The following TSHZ3 variants were observed in gnomAD, a reference collection of about 807,000 sequenced individuals.
The protein encoded by TSHZ3 is teashirt homolog 3.
Under a neutral mutation model 64.5 loss-of-function variants are expected in TSHZ3, and 10 were observed. The observed-to-expected ratio is 0.16, with a 90% CI of 0.10 to 0.26. TSHZ3 has a LOEUF of 0.26. Ranked by LOEUF, TSHZ3 falls within the 10% of genes least tolerant of loss-of-function variation. TSHZ3 has a pLI of 1.00. For synonymous variants in TSHZ3, 608 were observed against 593.1 expected (o/e 1.03, Z -0.36); for missense variants, 1,242 against 1,421.7 (o/e 0.87, Z 2.03).
At chr19:31,338,345 G>A (rs956075786) in intron 1 of TSHZ3, among the ~76,000 whole-genome samples, 2 of 152,192 alleles carry the variant, frequency 1.3e-5, no homozygotes, top group Non-Finnish European at 2.9e-5. Flanking sequence ...CAGGCCTGGT[G>A]GGGGTCTGCT....
At chr19:31,320,546 G>A (rs558389594) in intron 1 of TSHZ3, among the ~76,000 whole-genome samples, 11 of 152,238 alleles carry the variant, frequency 7.2e-5, no homozygotes, top group Admixed American at 2.0e-4. Flanking sequence ...AGTTGTCCTC[G>A]GGTTGGGGGC....
intron 1 of TSHZ3, among the ~76,000 whole-genome samples, chr19:31,313,277 A>C (rs1916510592): frequency 6.6e-6 from 1 of 152,236 alleles, no homozygotes; most frequent in South Asian, 2.1e-4. Context: ...GTCCAGTTGG[A>C]GGAGGTAGTG....
rs545780088 is a variant in TSHZ3 at position 31,190,079 on chromosome 19, G to A, written n.809+14877C>T. Among the ~76,000 whole-genome samples the A allele has an allele frequency of 4.0e-5, 6 of 151,874 alleles. No homozygotes were observed. The East Asian group carries it at 7.7e-4, about 20-fold the overall frequency. On this transcript the variant is annotated intron_variant and non_coding_transcript_variant, in intron 5 of 6. Coordinates refer to the TSHZ3 transcript ENST00000651361. ...AAGGAAGAGTGTTTTTCTTGAAGTA[G>A]CATATAGTTACATTTTGCTCTGTTA... is the stretch of plus-strand genomic sequence containing the variant.
intron 4 of TSHZ3, among the ~76,000 whole-genome samples, chr19:31,211,902 G>T (rs1403869937): frequency 1.3e-5 from 2 of 152,152 alleles, no homozygotes; most frequent in South Asian, 2.1e-4. Flanking sequence ...CAATAAATTT[G>T]CTTCTGGACT....
At position 31,312,069 on chromosome 19, in the gene TSHZ3, G is replaced by A. The variant is rs573023187; in HGVS notation, c.41-32317C>T. Among the ~76,000 whole-genome samples, 9 of 152,274 alleles carry A rather than the reference G, an allele frequency of 5.9e-5. No individual in the cohort carries two copies. The South Asian group carries it at 1.7e-3, about 28-fold the overall frequency. On this transcript the variant is annotated intron_variant, in intron 1 of 1. Coordinates refer to ENST00000240587, the MANE Select transcript of TSHZ3 (RefSeq NM_020856.4). ...CTGGCTTCTCCATGTCATGGCCTTTGAGTCTCAGTTTCCCCATCTGTAAAA... is the reference window on the plus strand; with the variant it reads ...CTGGCTTCTCCATGTCATGGCCTTTAAGTCTCAGTTTCCCCATCTGTAAAA...
intron 1 of TSHZ3, among the ~76,000 whole-genome samples, chr19:31,248,856 A>C (rs1975794979): frequency 6.6e-6 from 1 of 152,094 alleles, no homozygotes; most frequent in Non-Finnish European, 1.5e-5. Context: ...TTCAGGTTCA[A>C]ATGTCGGCCA....
chr19:31,155,894 C>T lies in TSHZ3; in HGVS notation n.871+462G>A, dbSNP rs1974300706. On this transcript the variant is annotated intron_variant and non_coding_transcript_variant, in intron 6 of 6. Coordinates refer to the TSHZ3 transcript ENST00000651361. ...TCCTGGAGGAGAACCTTTCACAAGTCCCTTAGTGACACCATTGGGAATAAT... is the reference window on the plus strand; with the variant it reads ...TCCTGGAGGAGAACCTTTCACAAGTTCCTTAGTGACACCATTGGGAATAAT... Among the ~76,000 whole-genome samples the T allele has an allele frequency of 2.0e-5, 3 of 152,188 alleles. No homozygotes were observed. The South Asian group carries it at 6.2e-4, about 31-fold the overall frequency.
chr19:31,345,440 C>A (rs975118496), intron 1 of TSHZ3, among the ~76,000 whole-genome samples: 1 of 152,184 alleles, frequency 6.6e-6, no homozygotes, highest in South Asian at 2.1e-4. Context: ...GGTGGGCCAC[C>A]TCTTAGGCAT....
In TSHZ3 at chr19:31,276,117, TA is replaced by T. The variant is rs1282799508; in HGVS notation, c.*429del. ...TTCATACATTATTATTATTTTATTT[TA>T]TTTTTTAACCAAATTAATGCAAAAG... is the stretch of plus-strand genomic sequence containing the variant. On this transcript the variant is annotated 3_prime_UTR_variant, in exon 2 of 2. Coordinates refer to ENST00000240587, the MANE Select transcript of TSHZ3 (RefSeq NM_020856.4). The T allele has an allele frequency of 1.9e-5, 3 of 153,980 alleles. No individual in the cohort carries two copies. The highest frequency in any genetic ancestry group is 7.2e-5 in the African/African-American group (3 of 41,542). The allele number at this position is 153,980 out of a possible 1,614,324, so 9.5% of individuals were successfully genotyped here.
chr19:31,172,188 C>T (rs1207861345), intron 5 of TSHZ3, among the ~76,000 whole-genome samples: 1 of 152,178 alleles, frequency 6.6e-6, no homozygotes, highest in African/African-American at 2.4e-5. Context: ...GGTTTGAAGT[C>T]ACACTTTTTG....
intron 5 of TSHZ3, among the ~76,000 whole-genome samples, chr19:31,185,950 C>T (rs549355683): frequency 2.6e-5 from 4 of 152,172 alleles, no homozygotes; most frequent in East Asian, 1.9e-4. Context: ...TTGTATCTGG[C>T]TTCTCTCACC....
chr19:31,208,392 G>T (rs1365442672), intron 4 of TSHZ3, among the ~76,000 whole-genome samples: 1 of 152,150 alleles, frequency 6.6e-6, no homozygotes, highest in Non-Finnish European at 1.5e-5. Flanking sequence ...AGTCCAATTG[G>T]CCGAGCTTTT....
intron 1 of TSHZ3, among the ~76,000 whole-genome samples, chr19:31,245,801 C>T (rs1396971832): frequency 6.6e-6 from 1 of 152,166 alleles, no homozygotes; most frequent in Non-Finnish European, 1.5e-5. Context: ...CTGTGGTGCC[C>T]AAGAAGACAC....
At chr19:31,256,253 T>C (rs924774533) in intron 1 of TSHZ3, among the ~76,000 whole-genome samples, 2 of 152,126 alleles carry the variant, frequency 1.3e-5, no homozygotes, top group African/African-American at 2.4e-5. Flanking sequence ...GCCTTGCTTT[T>C]AGTCTTCCCT....
At chr19:31,332,979 C>A (rs776435410) in intron 1 of TSHZ3, among the ~76,000 whole-genome samples, 1 of 151,890 alleles carries the variant, frequency 6.6e-6, no homozygotes, top group Non-Finnish European at 1.5e-5. Flanking sequence ...ATGGTGTGTG[C>A]CTGTGGTCCC....
chr19:31,177,998 G>T (rs1285266581), intron 5 of TSHZ3, among the ~76,000 whole-genome samples: 3 of 152,166 alleles, frequency 2.0e-5, no homozygotes, highest in African/African-American at 7.2e-5. Flanking sequence ...ATTGGTGGCT[G>T]CAAGTGTAGA....
At chr19:31,218,631 C>T (rs1048970211) in intron 4 of TSHZ3, among the ~76,000 whole-genome samples, 5 of 152,054 alleles carry the variant, frequency 3.3e-5, no homozygotes, top group Admixed American at 6.5e-5. Context: ...TAATAATTGC[C>T]AAAACTTTGA....
Position 31,266,640 on chromosome 19 carries a change from C to A in TSHZ3, n.64-23765G>T, listed in dbSNP as rs567657253. ...AGGCAGAGCCAGGAAGGCAAGAGAG[C>A]AACACCCTGTCTCCAAAAAGAAAAA... On this transcript the variant is annotated intron_variant and non_coding_transcript_variant, in intron 1 of 6. Transcript: ENST00000651361. 1.1e-3 allele frequency among the ~76,000 whole-genome samples: 161 copies of A among 152,278 alleles called. 1 individual carries two copies. Among genetic ancestry groups the A allele is most frequent in the African/African-American group, 3.8e-3 (156 of 41,550 alleles).
chr19:31,262,011 A>C (rs1975987751), intron 1 of TSHZ3, among the ~76,000 whole-genome samples: 1 of 152,206 alleles, frequency 6.6e-6, no homozygotes, highest in South Asian at 2.1e-4. Context: ...GATGATAATA[A>C]ATCATTATAG....
Sources: allele counts gnomAD v4.1 joint callset (sites outside exome capture counted in the v4.1 genomes callset), GRCh38; gene constraint gnomAD v4.1.1; transcripts MANE v1.5; gene names NCBI Gene and HGNC (gene_info 2026-07-23, HGNC 2026-07-21).